UQCRC2: variants seen among roughly 807,000 people sequenced by gnomAD.
UQCRC2 encodes the protein ubiquinol-cytochrome c reductase core protein 2, also known as cytochrome b-c1 complex subunit 2, mitochondrial.
Under a neutral mutation model 55.6 loss-of-function variants are expected in UQCRC2, and 49 were observed. The ratio of observed to expected loss-of-function variants is 0.88; its 90% CI spans 0.70 to 1.12. The LOEUF (loss-of-function observed/expected upper bound fraction) is 1.12. UQCRC2 is among the 50% of genes most tolerant of loss of function. UQCRC2 has a pLI of 0.00. For synonymous variants in UQCRC2, 193 were observed against 192.0 expected (o/e 1.01, Z -0.04); for missense variants, 506 against 547.8 (o/e 0.92, Z 0.76).
At chr16:21,981,142 A>G (rs538000838) in intron 13 of UQCRC2, among the ~76,000 whole-genome samples, 11 of 152,298 alleles carry the variant, frequency 7.2e-5, no homozygotes, top group Admixed American at 6.5e-5. Context: ...AGTCCTAGCA[A>G]TATTTCACCA....
intron 1 of UQCRC2, 99 bp from the exon 2 acceptor site, chr16:21,957,136 C>G (rs778053684): frequency 8.5e-7 from 1 of 1,171,154 alleles, no homozygotes; most frequent in African/African-American, 1.5e-5. Context: ...CTTCCACCCC[C>G]GAACACCCTC....
At chr16:21,962,356 A>G in intron 4 of UQCRC2, 104 bp from the exon 5 acceptor site, 3 of 1,382,020 alleles carry the variant, frequency 2.2e-6, no homozygotes, top group Non-Finnish European at 3.0e-6. Flanking sequence ...CACCTTTTAT[A>G]CTTCAGAAAT....
chr16:21,957,080 AAAAAT>A (rs1052635068), intron 1 of UQCRC2, among the ~76,000 whole-genome samples, 150 bp from the exon 2 acceptor site: 2 of 152,016 alleles, frequency 1.3e-5, no homozygotes, highest in African/African-American at 4.8e-5. Flanking sequence ...AAAAAAAAAA[AAAAAT>A]GTTATGCAGG....
chr16:21,977,371 A>G (rs1898610925), intron 12 of UQCRC2, among the ~76,000 whole-genome samples: 1 of 151,980 alleles, frequency 6.6e-6, no homozygotes, highest in Admixed American at 6.6e-5. Flanking sequence ...AAAAAAATGT[A>G]TTTCTAAGTC....
chr16:21,953,565 C>T, intron 1 of UQCRC2, 109 bp downstream of exon 1: 1 of 1,404,310 alleles, frequency 7.1e-7, no homozygotes, highest in Non-Finnish European at 9.6e-7. Flanking sequence ...TTCGGTCTGC[C>T]CTTCAGCTGA....
chr16:21,980,511 G>C, intron 12 of UQCRC2, 36 bp from the exon 13 acceptor site: 2 of 1,593,910 alleles, frequency 1.3e-6, no homozygotes, highest in East Asian at 2.2e-5. Context: ...TAATTGCCTT[G>C]CTCTCTAAAA....
At chr16:21,956,389 A>G (rs897080313) in intron 1 of UQCRC2, among the ~76,000 whole-genome samples, 2 of 152,068 alleles carry the variant, frequency 1.3e-5, no homozygotes, top group African/African-American at 4.8e-5. Flanking sequence ...ACTAAAATAC[A>G]AAAAATTAGC....
At chr16:21,975,228 G>A (rs188198189) in intron 11 of UQCRC2, among the ~76,000 whole-genome samples, 186 of 152,252 alleles carry the variant, frequency 1.2e-3, no homozygotes, top group South Asian at 2.7e-3. Flanking sequence ...ATGATTCAGG[G>A]ATCTAGGCTC....
chr16:21,972,552 A>G (rs980557784), intron 10 of UQCRC2, among the ~76,000 whole-genome samples: 1 of 152,126 alleles, frequency 6.6e-6, no homozygotes, highest in African/African-American at 2.4e-5. Context: ...TTACAGACTC[A>G]CTCATTCAGC....
At chr16:21,973,862 G>A (rs755552171) in intron 10 of UQCRC2, 34 bp from the exon 11 acceptor site, 1 of 1,595,308 alleles carries the variant, frequency 6.3e-7, no homozygotes. Context: ...TTACTTGGTA[G>A]AATATCATAC....
chr16:21,971,674 G>A, intron 9 of UQCRC2, 54 bp downstream of exon 9: 1 of 1,557,536 alleles, frequency 6.4e-7, no homozygotes, highest in Non-Finnish European at 8.8e-7. Flanking sequence ...TTCCCCACTA[G>A]AATAGCATAT....
intron 2 of UQCRC2, 26 bp from the exon 3 acceptor site, chr16:21,957,391 A>G (rs1898105009): frequency 1.2e-6 from 2 of 1,613,942 alleles, no homozygotes; most frequent in Non-Finnish European, 1.7e-6. Context: ...GACATTCATT[A>G]TATCTCTACT....
At chr16:21,970,935 T>C (rs1466840248) in intron 8 of UQCRC2, among the ~76,000 whole-genome samples, 1 of 152,154 alleles carries the variant, frequency 6.6e-6, no homozygotes, top group East Asian at 1.9e-4. Context: ...TAAGTTTTTT[T>C]TTTTAATTGT....
At chr16:21,960,865 C>G (rs1195398516) in intron 4 of UQCRC2, among the ~76,000 whole-genome samples, 1 of 152,064 alleles carries the variant, frequency 6.6e-6, no homozygotes, top group Non-Finnish European at 1.5e-5. Context: ...GGGTCTTGCT[C>G]TGTTTCCCAG....
At chr16:21,975,986 T>C (rs1898575299) in intron 11 of UQCRC2, among the ~76,000 whole-genome samples, 181 bp from the exon 12 acceptor site, 1 of 152,104 alleles carries the variant, frequency 6.6e-6, no homozygotes, top group Non-Finnish European at 1.5e-5. Context: ...TATAAACAGC[T>C]GCTTTATGAA....
intron 7 of UQCRC2, 110 bp from the exon 8 acceptor site, chr16:21,968,518 A>T: frequency 2.2e-6 from 2 of 913,830 alleles, no homozygotes; most frequent in Non-Finnish European, 3.2e-6. Context: ...CATTACAGCA[A>T]CTTATAAGGC....
At chr16:21,963,688 C>G (rs549743989) in intron 6 of UQCRC2, among the ~76,000 whole-genome samples, 14 of 151,420 alleles carry the variant, frequency 9.2e-5, no homozygotes, top group Non-Finnish European at 1.8e-4. Flanking sequence ...AGGCTGGTCT[C>G]GAACTCCTGG....
intron 1 of UQCRC2, 141 bp from the exon 2 acceptor site, chr16:21,957,094 G>C: frequency 2.9e-6 from 2 of 687,618 alleles, no homozygotes; most frequent in South Asian, 2.0e-5. Context: ...ATGTTATGCA[G>C]GTAAATCCTC....
intron 12 of UQCRC2, among the ~76,000 whole-genome samples, chr16:21,977,306 A>G (rs1268651677): frequency 1.3e-5 from 2 of 152,058 alleles, no homozygotes; most frequent in East Asian, 3.9e-4. Context: ...GTGAACTAAG[A>G]TCACGCCATT....
Sources: gnomAD v4.1 joint callset for allele counts (sites outside exome capture counted in the v4.1 genomes callset) on GRCh38, gnomAD v4.1.1 for gene constraint, MANE v1.5 for transcripts, NCBI Gene and HGNC (gene_info 2026-07-23, HGNC 2026-07-21) for gene names.